Variants in ITGB8 observed in about 807,000 individuals in gnomAD.
ITGB8 encodes integrin subunit beta 8.
Under a neutral mutation model 89.5 loss-of-function variants are expected in ITGB8, and 30 were observed. That is an observed-to-expected ratio of 0.34 (90% CI 0.25 to 0.45). The LOEUF (loss-of-function observed/expected upper bound fraction) is 0.45. Ranked by LOEUF, ITGB8 falls within the 20% of genes least tolerant of loss-of-function variation. The pLI is 1.00. For missense variants in ITGB8, 836 were observed against 933.3 expected, an observed-to-expected ratio of 0.90 and a Z score of 1.36; for synonymous variants, 335 against 320.4, an observed-to-expected ratio of 1.05 and a Z score of -0.49.
At chr7:20,362,176 C>T (rs1043547817) in intron 1 of ITGB8, among the ~76,000 whole-genome samples, 1 of 152,160 alleles carries the variant, frequency 6.6e-6, no homozygotes, top group Non-Finnish European at 1.5e-5. Flanking sequence ...CATCCCCTTC[C>T]ACCTCCAGGT....
At chr7:20,330,416 T>C (rs573344295), upstream of ITGB8, among the ~76,000 whole-genome samples, 34 of 152,062 alleles carry the variant, frequency 2.2e-4, no homozygotes, top group East Asian at 6.2e-3. Flanking sequence ...GGTGAGAGAT[T>C]GGGGTTTGCT....
intron 6 of ITGB8, among the ~76,000 whole-genome samples, chr7:20,388,065 C>T (rs532838682): frequency 2.0e-4 from 30 of 152,246 alleles, no homozygotes; most frequent in Admixed American, 7.2e-4. Flanking sequence ...TTTTTATCCA[C>T]GTAGATATAC....
intron 3 of ITGB8, among the ~76,000 whole-genome samples, chr7:20,374,360 T>G (rs1443250627): frequency 6.6e-6 from 1 of 152,162 alleles, no homozygotes. Context: ...AAGAAACAGT[T>G]CTTACCCTAG....
intron 6 of ITGB8, among the ~76,000 whole-genome samples, chr7:20,383,504 C>G (rs1287493409): frequency 2.0e-5 from 3 of 152,030 alleles, no homozygotes; most frequent in Non-Finnish European, 4.4e-5. Flanking sequence ...AAGAATTATT[C>G]TATTGTGAGA....
Position 20,403,226 on chromosome 7 carries a change from A to T in ITGB8, c.1687+1100A>T, listed in dbSNP as rs533928073. 5.3e-5 allele frequency among the ~76,000 whole-genome samples: 8 copies of T among 152,320 alleles called. No individual in the cohort carries two copies. In the South Asian group the frequency reaches 1.7e-3, roughly 32 times the overall value. On this transcript the variant is annotated intron_variant, in intron 10 of 13. Coordinates refer to ENST00000222573, the MANE Select transcript of ITGB8 (RefSeq NM_002214.3). ...ACATCATGGGTAGGATGGATTATAG[A>T]TGACTTTAGAATGAAGCAGCAGTTG...
Position 20,405,991 on chromosome 7 carries a change from T to G in ITGB8, c.1914-71T>G, listed in dbSNP as rs1787525131. On this transcript the variant is annotated intron_variant, in intron 11 of 13. Coordinates refer to ENST00000222573, the MANE Select transcript of ITGB8 (RefSeq NM_002214.3). ...TGCATTGTTATTTTGTCTTTTTTTT[T>G]CTTGCAGAAAATATTATAGTCCACC... 32 of 908,926 alleles carry G rather than the reference T, an allele frequency of 3.5e-5. 1 individual carries two copies. The South Asian group carries it at 4.4e-4, about 12-fold the overall frequency. 56.3% of individuals were successfully genotyped at this position (908,926 alleles called of 1,614,324 possible).
chr7:20,347,444 C>T lies in ITGB8; in HGVS notation c.127+15511C>T, dbSNP rs184787699. Among the ~76,000 whole-genome samples, 5 of 152,110 alleles carry T rather than the reference C, an allele frequency of 3.3e-5. No individual in the cohort carries two copies. In the South Asian group the frequency reaches 6.2e-4, roughly 19 times the overall value. On this transcript the variant is annotated intron_variant, in intron 1 of 13. Transcript: ENST00000222573. Reference sequence around the variant, plus strand: ...TAAAGCAAATGATCGATAAGGAAGGCCTCAACTAGGATGGATCCATGGGAA... The same window carrying T: ...TAAAGCAAATGATCGATAAGGAAGGTCTCAACTAGGATGGATCCATGGGAA...
rs146348394 is a variant in ITGB8, at chr7:20,367,150, G to A, written c.352G>A (p.Val118Met). ...IPTENEINTQ[V>M]TPGEVSIQLR... ...CACTGAAAATGAAATTAATACCCAGGTGACACCAGGAGAAGTGTCTATCCA... is the reference window on the plus strand; with the variant it reads ...CACTGAAAATGAAATTAATACCCAGATGACACCAGGAGAAGTGTCTATCCA... The change falls in exon 3 of 14, where the codon GTG becomes ATG. Residue 118 changes from valine to methionine, a missense_variant. Physicochemically the swap from Val to Met is conservative, Grantham distance 21. Coordinates refer to ENST00000222573, the MANE Select transcript of ITGB8 (RefSeq NM_002214.3). 2 of 1,612,642 alleles carry A rather than the reference G, an allele frequency of 1.2e-6. No homozygotes were observed. The highest frequency in any genetic ancestry group is 1.1e-5 in the South Asian group (1 of 90,920).
intron 8 of ITGB8, among the ~76,000 whole-genome samples, chr7:20,396,195 T>C (rs1056130192): frequency 2.0e-5 from 3 of 151,946 alleles, no homozygotes; most frequent in African/African-American, 7.3e-5. Context: ...TCCCAGCACT[T>C]TGGGAGGCCG....
rs372543006 is a variant in ITGB8 at position 20,367,048 on chromosome 7, G to C, written c.250G>C (p.Asp84His). 5.0e-6 allele frequency: 8 copies of C among 1,612,324 alleles called. No homozygotes were observed. The African/African-American group carries it at 1.1e-4, about 22-fold the overall frequency. Residue 84 changes from aspartate (D) to histidine (H), a missense_variant, in exon 3 of 14, where the codon GAT (aspartate) becomes CAT (histidine). By Grantham distance (81) the Asp-to-His change is moderately conservative. This residue lies in a region of ITGB8 where 182 missense variants were observed against 177.0 expected (regional missense o/e 1.03). Coordinates refer to ENST00000222573, the MANE Select transcript of ITGB8 (RefSeq NM_002214.3). ...ISGGSRSERCDIVSNLISKGC... is the reference protein window; with the variant it reads ...ISGGSRSERCHIVSNLISKGC... ...AGGTGGATCAAGAAGTGAACGTTGTGATATTGTTTCCAATTTAATAAGCAA... is the reference window on the plus strand; with the variant it reads ...AGGTGGATCAAGAAGTGAACGTTGTCATATTGTTTCCAATTTAATAAGCAA...
chr7:20,378,087 CTTACAT>C (rs1394223646), intron 3 of ITGB8, among the ~76,000 whole-genome samples: 1 of 152,132 alleles, frequency 6.6e-6, no homozygotes, highest in African/African-American at 2.4e-5. Context: ...TTACAAATTG[CTTACAT>C]TTAAATAGAT....
chr7:20,338,305 G>A (rs1193834721), intron 1 of ITGB8, among the ~76,000 whole-genome samples: 2 of 152,184 alleles, frequency 1.3e-5, no homozygotes, highest in African/African-American at 2.4e-5. Flanking sequence ...CCCTGAAACA[G>A]TTAGGGGCAG....
chr7:20,403,600 G>A (rs1764882205), intron 10 of ITGB8, among the ~76,000 whole-genome samples: 2 of 152,198 alleles, frequency 1.3e-5, no homozygotes, highest in Non-Finnish European at 2.9e-5. Context: ...GGGCTTGGCC[G>A]ACATTTGTCT....
At chr7:20,407,062 A>G (rs1787571816) in intron 12 of ITGB8, among the ~76,000 whole-genome samples, 1 of 152,182 alleles carries the variant, frequency 6.6e-6, no homozygotes. Context: ...AAGGAAAATT[A>G]TGGCTCCACA....
At chr7:20,379,977 A>C (rs1304390387) in intron 4 of ITGB8, 6 of 152,230 alleles carry the variant, frequency 3.9e-5, no homozygotes, top group Non-Finnish European at 7.3e-5. Flanking sequence ...ATCTGTATGG[A>C]TCTTTTTTCA....
At chr7:20,366,211 C>T (rs1026871979) in intron 2 of ITGB8, 12 of 152,324 alleles carry the variant, frequency 7.9e-5, no homozygotes, top group African/African-American at 2.9e-4. Flanking sequence ...TTCCCTTCCT[C>T]TCCTACCTGT....
In ITGB8 at chr7:20,409,908, G is replaced by A; in HGVS notation, c.2221G>A (p.Ala741Thr). 6.2e-7 allele frequency: 1 copy of A among 1,613,672 alleles called. No homozygotes were observed. The highest frequency in any genetic ancestry group is 2.2e-5 in the East Asian group (1 of 44,876). Residue 741 changes from alanine to threonine, a missense_variant, in exon 14 of 14, where the codon GCA becomes ACA. Coordinates refer to ENST00000222573, the MANE Select transcript of ITGB8 (RefSeq NM_002214.3). ...GATTCTGCAAAGTGTTTGCACAAGA[G>A]CAGTCACCTACCGACGTGAGAAGCC... ...KLILQSVCTR[A>T]VTYRREKPEE...
chr7:20,374,572 C>T (rs1786059832), intron 3 of ITGB8, among the ~76,000 whole-genome samples: 1 of 151,360 alleles, frequency 6.6e-6, no homozygotes, highest in South Asian at 2.1e-4. Flanking sequence ...GATCCAGTTG[C>T]CATGGAAACA....
chr7:20,389,606 A>C (rs1786771615), intron 6 of ITGB8, among the ~76,000 whole-genome samples: 2 of 152,230 alleles, frequency 1.3e-5, no homozygotes. Flanking sequence ...TGTTTCCAAA[A>C]ATTAAGAAGG....
Sources: gnomAD v4.1 joint callset for allele counts (sites outside exome capture counted in the v4.1 genomes callset) on GRCh38, gnomAD v4.1.1 for gene constraint, gnomAD v4.1.1 regional missense constraint, MANE v1.5 for transcripts, NCBI Gene and HGNC (gene_info 2026-07-23, HGNC 2026-07-21) for gene names.